The following DEPDC1B variants were observed in gnomAD, a reference collection of about 807,000 sequenced individuals.
DEPDC1B encodes the protein DEP domain-containing protein 1B.
In DEPDC1B, 51 loss-of-function variants were observed where a neutral mutation model predicts 66.5. The ratio of observed to expected loss-of-function variants is 0.77; its 90% CI spans 0.61 to 0.97. The LOEUF is 0.97. Among genes scored for constraint, DEPDC1B ranks in the 50% least tolerant of loss-of-function variants. DEPDC1B has a pLI of 0.00. For synonymous variants in DEPDC1B, 226 were observed against 223.6 expected (o/e 1.01, Z -0.10); for missense variants, 552 against 637.1 (o/e 0.87, Z 1.44).
intron 4 of DEPDC1B, 63 bp from the exon 5 acceptor site, chr5:60,644,938 G>C: frequency 7.8e-7 from 1 of 1,290,162 alleles, no homozygotes; most frequent in South Asian, 1.7e-5. Context: ...TCAAAAACCT[G>C]GTACTACAAA....
At chr5:60,646,450 G>C (rs1753317944) in intron 3 of DEPDC1B, among the ~76,000 whole-genome samples, 2 of 152,168 alleles carry the variant, frequency 1.3e-5, no homozygotes, top group African/African-American at 4.8e-5. Context: ...GATTACAAGA[G>C]AGTTTTAACA....
At chr5:60,601,706 G>A (rs1158485349) in intron 9 of DEPDC1B, among the ~76,000 whole-genome samples, 2 of 152,016 alleles carry the variant, frequency 1.3e-5, no homozygotes, top group Non-Finnish European at 2.9e-5. Context: ...ATACTATGTT[G>A]CCAATAATAT....
intron 7 of DEPDC1B, among the ~76,000 whole-genome samples, chr5:60,625,053 T>G (rs184399870): frequency 1.2e-3 from 183 of 152,276 alleles, no homozygotes; most frequent in African/African-American, 4.2e-3. Flanking sequence ...GCTTCATCCA[T>G]GTCCCTGCAA....
At chr5:60,603,841 A>G (rs941961600) in intron 8 of DEPDC1B, among the ~76,000 whole-genome samples, 3 of 151,148 alleles carry the variant, frequency 2.0e-5, no homozygotes, top group South Asian at 2.1e-4. Flanking sequence ...ATATATATAT[A>G]TATATACACA....
At chr5:60,613,775 G>T (rs1289258733) in intron 7 of DEPDC1B, among the ~76,000 whole-genome samples, 3 of 140,030 alleles carry the variant, frequency 2.1e-5, no homozygotes, top group Non-Finnish European at 4.6e-5. Flanking sequence ...AAAAAAGGTT[G>T]TTACATATGT....
chr5:60,676,658 T>C (rs1429171308), intron 2 of DEPDC1B, among the ~76,000 whole-genome samples: 1 of 152,156 alleles, frequency 6.6e-6, no homozygotes, highest in Admixed American at 6.5e-5. Flanking sequence ...CCATCTTTCC[T>C]TTTCCTTCCC....
Position 60,659,763 on chromosome 5 carries a change from T to C in DEPDC1B, c.315-12230A>G, listed in dbSNP as rs79179835. ...CTCTGAATCTACTTCCTTTGATCCCTGCCTTCTAGGTACTAATGGTTCAGA... is the reference window on the plus strand; with the variant it reads ...CTCTGAATCTACTTCCTTTGATCCCCGCCTTCTAGGTACTAATGGTTCAGA... On this transcript the variant is annotated intron_variant, in intron 2 of 10. Transcript: ENST00000265036. 5.4e-3 allele frequency among the ~76,000 whole-genome samples: 827 copies of C among 152,342 alleles called. 16 individuals are homozygous for C. The East Asian group carries it at 0.07, about 13-fold the overall frequency.
At chr5:60,633,601 C>T (rs1752972943) in intron 7 of DEPDC1B, among the ~76,000 whole-genome samples, 1 of 152,188 alleles carries the variant, frequency 6.6e-6, no homozygotes, top group Admixed American at 6.5e-5. Context: ...TGGGAGGCCC[C>T]TACCAATAGC....
intron 2 of DEPDC1B, among the ~76,000 whole-genome samples, chr5:60,655,636 A>G (rs1003773462): frequency 2.0e-5 from 3 of 148,322 alleles, no homozygotes; most frequent in Admixed American, 6.7e-5. Context: ...CTCTGCTCTG[A>G]TCTTTGTTAT....
intron 7 of DEPDC1B, among the ~76,000 whole-genome samples, chr5:60,638,314 C>T (rs879683893): frequency 2.0e-5 from 3 of 152,092 alleles, no homozygotes; most frequent in South Asian, 2.1e-4. Context: ...TCTCAAATTA[C>T]AAAATACTAC....
intron 9 of DEPDC1B, among the ~76,000 whole-genome samples, chr5:60,599,672 C>T (rs1752163784): frequency 6.6e-6 from 1 of 152,206 alleles, no homozygotes; most frequent in African/African-American, 2.4e-5. Context: ...GGCGGAAAAC[C>T]GCTTAAGGCA....
At chr5:60,696,287 T>C (rs1158018049) in intron 1 of DEPDC1B, among the ~76,000 whole-genome samples, 1 of 152,244 alleles carries the variant, frequency 6.6e-6, no homozygotes, top group East Asian at 1.9e-4. Flanking sequence ...AGAAAATGTC[T>C]AATAAAACAT....
chr5:60,612,711 A>G (rs1752442076), intron 7 of DEPDC1B, among the ~76,000 whole-genome samples: 1 of 151,520 alleles, frequency 6.6e-6, no homozygotes, highest in African/African-American at 2.4e-5. Flanking sequence ...TTCAGAAAAA[A>G]AAAAAAAAAA....
chr5:60,677,820 C>T (rs1217711739), intron 2 of DEPDC1B, among the ~76,000 whole-genome samples: 1 of 152,136 alleles, frequency 6.6e-6, no homozygotes, highest in African/African-American at 2.4e-5. Context: ...AGGACAACAA[C>T]CCATGACGAT....
chr5:60,651,165 T>C (rs1489119259), intron 2 of DEPDC1B, among the ~76,000 whole-genome samples: 1 of 152,200 alleles, frequency 6.6e-6, no homozygotes, highest in African/African-American at 2.4e-5. Flanking sequence ...GTGGATTCTC[T>C]AGCCTCAGCA....
At chr5:60,622,888 T>C (rs1215971711) in intron 7 of DEPDC1B, among the ~76,000 whole-genome samples, 1 of 152,220 alleles carries the variant, frequency 6.6e-6, no homozygotes, top group Non-Finnish European at 1.5e-5. Flanking sequence ...TGAAGTGTTC[T>C]CTACATATCC....
chr5:60,643,534 A>G (rs1324231480), intron 5 of DEPDC1B, among the ~76,000 whole-genome samples: 2 of 152,236 alleles, frequency 1.3e-5, no homozygotes, highest in Admixed American at 6.5e-5. Flanking sequence ...ATTTCTGTAA[A>G]ACTGCGAAGA....
chr5:60,644,653 C>T, intron 5 of DEPDC1B, 92 bp downstream of exon 5: 1 of 1,075,024 alleles, frequency 9.3e-7, no homozygotes, highest in Non-Finnish European at 1.3e-6. Context: ...CAAACTTATT[C>T]AGGGTTTAGG....
chr5:60,640,174 G>A (rs539028217), intron 6 of DEPDC1B, among the ~76,000 whole-genome samples: 39 of 152,312 alleles, frequency 2.6e-4, no homozygotes, highest in South Asian at 2.1e-3. Flanking sequence ...GGTACAGCAT[G>A]AATCCAGCAG....
Sources: allele counts gnomAD v4.1 joint callset (sites outside exome capture counted in the v4.1 genomes callset), GRCh38; gene constraint gnomAD v4.1.1; transcripts MANE v1.5; gene names NCBI Gene and HGNC (gene_info 2026-07-23, HGNC 2026-07-21).